Variants in SRP72 observed in about 807,000 individuals in gnomAD.
The protein encoded by SRP72 is signal recognition particle subunit SRP72.
Under a neutral mutation model 96.3 loss-of-function variants are expected in SRP72, and 49 were observed. The observed-to-expected ratio is 0.51, with a 90% confidence interval of 0.40 to 0.65. The LOEUF (loss-of-function observed/expected upper bound fraction) is 0.65. Among genes scored for constraint, SRP72 ranks in the 30% least tolerant of loss-of-function variants. SRP72 has a pLI of 0.00. For synonymous variants in SRP72, 267 were observed against 275.2 expected (o/e 0.97, Z 0.30); for missense variants, 736 against 793.3 (o/e 0.93, Z 0.87).
At chr4:56,497,243 C>T (rs1184748586) in intron 17 of SRP72, among the ~76,000 whole-genome samples, 4 of 145,544 alleles carry the variant, frequency 2.7e-5, no homozygotes, top group South Asian at 2.2e-4. Flanking sequence ...TTTTTGAGAC[C>T]GCGTCTTGCT....
chr4:56,468,419 A>G (rs1036664879), intron 1 of SRP72, among the ~76,000 whole-genome samples: 2 of 151,566 alleles, frequency 1.3e-5, no homozygotes, highest in African/African-American at 4.9e-5. Flanking sequence ...TTCGGTTTTT[A>G]CCGCCTTTGG....
rs113010572 is a variant in SRP72, at chr4:56,471,180, TG to T, written c.231-538del. Among the ~76,000 whole-genome samples, 275 of 152,370 alleles carry T rather than the reference TG, an allele frequency of 1.8e-3. 10 individuals carry two copies. The South Asian group carries it at 0.039, about 21-fold the overall frequency. ...GATAAATATTTTTCCTCATGGATTATGGTTGAAACATCAACAATGAGGTATC... is the reference window on the plus strand; with the variant it reads ...GATAAATATTTTTCCTCATGGATTATGTTGAAACATCAACAATGAGGTATC... On this transcript the variant is annotated intron_variant, in intron 2 of 18. Coordinates refer to ENST00000642900, the MANE Select transcript of SRP72 (RefSeq NM_006947.4).
At chr4:56,496,831 T>C (rs1287508647) in intron 17 of SRP72, among the ~76,000 whole-genome samples, 4 of 152,056 alleles carry the variant, frequency 2.6e-5, no homozygotes, top group African/African-American at 9.7e-5. Flanking sequence ...CTAGTACAAA[T>C]ATAAAAATTA....
rs775144750 is a variant in SRP72, at chr4:56,490,222, A to T, written c.1321-111A>T. The stretch of plus-strand genomic sequence containing the variant: ...TTTCAGGCATTCAGTGAAACTTAAG[A>T]TGAGGGATCTAATGCATAGGTGTAT... On this transcript the variant is annotated intron_variant, in intron 13 of 18. Transcript: ENST00000642900. 408 of 760,484 alleles carry T rather than the reference A, an allele frequency of 5.4e-4. 1 individual carries two copies. The highest frequency in any genetic ancestry group is 1.1e-4 in the Non-Finnish European group (51 of 474,882). The allele number at this position is 760,484 out of a possible 1,614,324, so 47.1% of individuals were successfully genotyped here.
At chr4:56,482,923 T>C (rs949030126) in intron 8 of SRP72, among the ~76,000 whole-genome samples, 2 of 152,214 alleles carry the variant, frequency 1.3e-5, no homozygotes. Context: ...GATAACTATA[T>C]GTACATGAGT....
chr4:56,475,874 T>G (rs1031545097), intron 5 of SRP72: 18 of 152,180 alleles, frequency 1.2e-4, no homozygotes, highest in Non-Finnish European at 2.5e-4. Flanking sequence ...GAATGTTCAT[T>G]GAAGGAATAT....
intron 4 of SRP72, 38 bp downstream of exon 4, chr4:56,474,235 T>A (rs771970597): frequency 4.3e-6 from 7 of 1,612,950 alleles, no homozygotes; most frequent in Non-Finnish European, 5.9e-6. Flanking sequence ...AGTCATGAAT[T>A]ATTATTCATA....
chr4:56,480,405 A>G (rs1362910349), intron 8 of SRP72, among the ~76,000 whole-genome samples: 1 of 152,092 alleles, frequency 6.6e-6, no homozygotes, highest in African/African-American at 2.4e-5. Flanking sequence ...GACTACAGTC[A>G]CGTGCCACCA....
At position 56,467,654 on chromosome 4, in the gene SRP72, G is replaced by T. The variant is rs17524437; in HGVS notation, c.19G>T (p.Gly7Trp). The T allele has an allele frequency of 1.8e-3, 2,781 of 1,556,654 alleles. 60 individuals are homozygous for T. In the East Asian group the frequency reaches 0.053, roughly 30 times the overall value. MASGGS[G>W]GVSVPALWSE... ...CTCCAAGATGGCGAGCGGCGGCAGC[G>T]GGGGGGTGTCAGTACCTGCGCTGTG... The change falls in exon 1 of 19, where the codon GGG (glycine) becomes TGG (tryptophan). Residue 7 changes from glycine (G) to tryptophan (W), a missense_variant. Coordinates refer to ENST00000642900, the MANE Select transcript of SRP72 (RefSeq NM_006947.4).
chr4:56,479,743 A>C (rs1382466663), intron 8 of SRP72, among the ~76,000 whole-genome samples: 1 of 151,992 alleles, frequency 6.6e-6, no homozygotes, highest in Non-Finnish European at 1.5e-5. Flanking sequence ...CAGCCTCCCA[A>C]ATTGCTGGGA....
At chr4:56,471,983 C>T (rs565496295) in intron 3 of SRP72, 140 bp downstream of exon 3, 2 of 933,684 alleles carry the variant, frequency 2.1e-6, no homozygotes, top group East Asian at 2.7e-5. Context: ...AAGGTTTGAA[C>T]ATAATTCCTC....
chr4:56,485,421 A>AG (rs1413162003), intron 10 of SRP72, among the ~76,000 whole-genome samples: 2 of 148,364 alleles, frequency 1.3e-5, no homozygotes, highest in Non-Finnish European at 3.0e-5. Context: ...AAAAAAAAAA[A>AG]TCTATTTAGT....
chr4:56,481,965 T>C (rs71601629), intron 8 of SRP72, among the ~76,000 whole-genome samples: 185 of 151,122 alleles, frequency 1.2e-3, no homozygotes, highest in Non-Finnish European at 2.1e-3. Flanking sequence ...GGTTTCACCA[T>C]GTTGGCCAGG....
At chr4:56,476,823 A>C (rs949964158) in intron 6 of SRP72, 121 bp downstream of exon 6, 1 of 936,426 alleles carries the variant, frequency 1.1e-6, no homozygotes, top group African/African-American at 1.7e-5. Context: ...AGTAGGAATC[A>C]CACTAGAAAC....
At position 56,501,992 on chromosome 4, in the gene SRP72, C is replaced by A; in HGVS notation, c.*131C>A. The A allele has an allele frequency of 1.0e-6, 1 of 1,001,028 alleles. No individual in the cohort carries two copies. The highest frequency in any genetic ancestry group is 1.5e-6 in the Non-Finnish European group (1 of 673,080). 62.0% of individuals were successfully genotyped at this position (1,001,028 alleles called of 1,614,324 possible). The stretch of plus-strand genomic sequence containing the variant: ...CATATTTTCATAATTTCTTGTGTTT[C>A]AAATAGGGAAACATCTTCCTCAAAG... On this transcript the variant is annotated 3_prime_UTR_variant, in exon 19 of 19. Coordinates refer to ENST00000642900, the MANE Select transcript of SRP72 (RefSeq NM_006947.4).
chr4:56,473,195 A>T (rs1033181084), intron 3 of SRP72, among the ~76,000 whole-genome samples: 4 of 152,128 alleles, frequency 2.6e-5, no homozygotes, highest in Non-Finnish European at 5.9e-5. Context: ...AAGAAAGGTA[A>T]AGAAAATCAC....
Position 56,495,413 on chromosome 4 carries a change from CT to C in SRP72, c.1678+22del. 1 of 1,455,826 alleles carries C rather than the reference CT, an allele frequency of 6.9e-7. No homozygotes were observed. The highest frequency in any genetic ancestry group is 1.8e-4 in the Middle Eastern group (1 of 5,586). The allele number at this position is 1,455,826 out of a possible 1,614,324, so 90.2% of individuals were successfully genotyped here. Reference sequence around the variant, plus strand: ...AAGAAGGGTAAGGCATTAAAAAAGTCTTTATAAATTTTCTCCAAAATAAATG... The same window carrying C: ...AAGAAGGGTAAGGCATTAAAAAAGTCTTATAAATTTTCTCCAAAATAAATG... On this transcript the variant is annotated intron_variant, in intron 17 of 18. Coordinates refer to ENST00000642900, the MANE Select transcript of SRP72 (RefSeq NM_006947.4).
intron 8 of SRP72, among the ~76,000 whole-genome samples, chr4:56,482,217 G>A (rs1487916046): frequency 1.3e-5 from 2 of 150,650 alleles, no homozygotes; most frequent in African/African-American, 2.4e-5. Context: ...CTAGGTGGGC[G>A]AATCACGAGG....
At chr4:56,471,463 A>AATAAC (rs1438385363) in intron 2 of SRP72, among the ~76,000 whole-genome samples, 3 of 152,214 alleles carry the variant, frequency 2.0e-5, no homozygotes, top group African/African-American at 7.2e-5. Flanking sequence ...TTTCCTTCTT[A>AATAAC]AATGTTTATT....
Sources: gnomAD v4.1 joint callset for allele counts (sites outside exome capture counted in the v4.1 genomes callset) on GRCh38, gnomAD v4.1.1 for gene constraint, MANE v1.5 for transcripts, NCBI Gene and HGNC (gene_info 2026-07-23, HGNC 2026-07-21) for gene names.